Variants in MSI2 observed in about 807,000 individuals in gnomAD.
MSI2 encodes musashi RNA binding protein 2, also known as RNA-binding protein Musashi homolog 2.
In MSI2, 17 loss-of-function variants were observed where a neutral mutation model predicts 45.6. The ratio of observed to expected loss-of-function variants is 0.37; its 90% CI spans 0.26 to 0.56. The LOEUF is 0.56. Among genes scored for constraint, MSI2 ranks in the 20% least tolerant of loss-of-function variants. MSI2 has a pLI of 0.77. For synonymous variants in MSI2, 156 were observed against 158.2 expected, an observed-to-expected ratio of 0.99 and a Z score of 0.11; for missense variants, 293 against 444.2, an observed-to-expected ratio of 0.66 and a Z score of 3.06.
intron 5 of MSI2, among the ~76,000 whole-genome samples, chr17:57,389,658 T>C (rs2083751625): frequency 6.6e-6 from 1 of 152,222 alleles, no homozygotes; most frequent in African/African-American, 2.4e-5. Flanking sequence ...TTAATGAACA[T>C]GGCTTGCCAC....
At chr17:57,424,606 A>G (rs1009913251) in intron 6 of MSI2, among the ~76,000 whole-genome samples, 1 of 152,154 alleles carries the variant, frequency 6.6e-6, no homozygotes, top group Non-Finnish European at 1.5e-5. Flanking sequence ...CCATTAACAC[A>G]TGACTATCTA....
chr17:57,486,460 A>G (rs1482364241), intron 6 of MSI2, among the ~76,000 whole-genome samples: 4 of 152,260 alleles, frequency 2.6e-5, no homozygotes, highest in Admixed American at 1.3e-4. Context: ...AGTTTGGGTC[A>G]TTGGAATCAT....
intron 5 of MSI2, among the ~76,000 whole-genome samples, chr17:57,310,429 G>A (rs1251861304): frequency 6.6e-6 from 1 of 152,020 alleles, no homozygotes; most frequent in Non-Finnish European, 1.5e-5. Flanking sequence ...TGCCTCTCAG[G>A]TTCAAGTGAT....
intron 5 of MSI2, among the ~76,000 whole-genome samples, chr17:57,314,009 C>T (rs1276508717): frequency 2.6e-5 from 4 of 152,038 alleles, no homozygotes; most frequent in Admixed American, 6.5e-5. Context: ...TTTTGCTTCA[C>T]GGTTCTGGAG....
chr17:57,640,151 A>G (rs1250248173), intron 10 of MSI2, among the ~76,000 whole-genome samples: 1 of 152,152 alleles, frequency 6.6e-6, no homozygotes, highest in Non-Finnish European at 1.5e-5. Flanking sequence ...GGCACTGGGA[A>G]CCATCAGTCC....
At chr17:57,699,558 C>A in the MSI2 span, among the ~76,000 whole-genome samples, 1 of 151,968 alleles carries the variant, frequency 6.6e-6, no homozygotes, top group Non-Finnish European at 1.5e-5. Context: ...AATATTATAC[C>A]CTTTCCCTCA....
At chr17:57,467,519 C>T (rs1380396135) in intron 6 of MSI2, among the ~76,000 whole-genome samples, 3 of 151,660 alleles carry the variant, frequency 2.0e-5, no homozygotes, top group Non-Finnish European at 2.9e-5. Flanking sequence ...GCAGATGGAT[C>T]GATGAAAGGA....
At chr17:57,465,183 C>CG (rs2085306853) in intron 6 of MSI2, among the ~76,000 whole-genome samples, 1 of 152,102 alleles carries the variant, frequency 6.6e-6, no homozygotes, top group South Asian at 2.1e-4. Flanking sequence ...AAGCACAGGC[C>CG]GGGTGCGGTG....
At chr17:57,404,898 T>C (rs1229943494) in intron 6 of MSI2, among the ~76,000 whole-genome samples, 1 of 152,134 alleles carries the variant, frequency 6.6e-6, no homozygotes, top group Non-Finnish European at 1.5e-5. Context: ...AGGTTAGAGA[T>C]GTTGTTACTT....
At chr17:57,447,413 C>T (rs944073104) in intron 6 of MSI2, among the ~76,000 whole-genome samples, 1 of 152,202 alleles carries the variant, frequency 6.6e-6, no homozygotes, top group Non-Finnish European at 1.5e-5. Flanking sequence ...TTAAGTTTTA[C>T]ATTTTAAATC....
At chr17:57,536,281 A>C (rs1394193028) in intron 7 of MSI2, among the ~76,000 whole-genome samples, 1 of 152,212 alleles carries the variant, frequency 6.6e-6, no homozygotes, top group Non-Finnish European at 1.5e-5. Context: ...TAAGCTGTAC[A>C]TGTGACTTTG....
intron 6 of MSI2, among the ~76,000 whole-genome samples, chr17:57,502,636 T>TATATATATAGAGAGAGAGAGAGAGAG: frequency 1.0e-5 from 1 of 96,904 alleles, no homozygotes; most frequent in Non-Finnish European, 2.1e-5. Flanking sequence ...TATATATATA[T>TATATATATAGAGAGAGAGAGAGAGAG]AGTCATCATT....
intron 6 of MSI2, among the ~76,000 whole-genome samples, chr17:57,521,613 G>C (rs1054360960): frequency 1.6e-4 from 24 of 152,094 alleles, no homozygotes; most frequent in African/African-American, 5.3e-4. Flanking sequence ...TAATCTTTAG[G>C]CAGCAGAAGG....
intron 7 of MSI2, among the ~76,000 whole-genome samples, chr17:57,573,320 G>T (rs988813856): frequency 1.6e-5 from 2 of 124,536 alleles, no homozygotes; most frequent in Non-Finnish European, 3.3e-5. Context: ...CCCTTAGGAT[G>T]TGTCGTGCTC....
rs116473263 is a variant in MSI2, at chr17:57,395,825, A to G, written c.313-5554A>G. Among the ~76,000 whole-genome samples, 683 of 152,338 alleles carry G rather than the reference A, an allele frequency of 4.5e-3. 4 individuals are homozygous for G. The highest frequency in any genetic ancestry group is 0.016 in the African/African-American group (656 of 41,582). On this transcript the variant is annotated intron_variant, in intron 5 of 13. Coordinates refer to ENST00000284073, the MANE Select transcript of MSI2 (RefSeq NM_138962.4). ...TCAGTGTCACTGGACAGGATGGGGT[A>G]ATAGACAGAGCCCTTGTCTGAGCCT...
chr17:57,418,312 T>C (rs896644304), intron 6 of MSI2, among the ~76,000 whole-genome samples: 3 of 152,366 alleles, frequency 2.0e-5, no homozygotes, highest in Non-Finnish European at 4.4e-5. Flanking sequence ...GGATCAGTAA[T>C]AAACTTTAGG....
intron 5 of MSI2, among the ~76,000 whole-genome samples, chr17:57,299,663 C>T (rs1684818361): frequency 6.6e-6 from 1 of 152,052 alleles, no homozygotes; most frequent in Admixed American, 6.5e-5. Context: ...CAGTTTGTGG[C>T]ACCCCAAAAC....
chr17:57,343,525 A>G lies in MSI2; in HGVS notation c.313-57854A>G, dbSNP rs565151536. The stretch of plus-strand genomic sequence containing the variant: ...ATAATTGTACGCATTGTGACCCTCC[A>G]CTCCTAAATACATCAGTGTTCCTAA... On this transcript the variant is annotated intron_variant, in intron 5 of 13. Coordinates refer to ENST00000284073, the MANE Select transcript of MSI2 (RefSeq NM_138962.4). Among the ~76,000 whole-genome samples the G allele has an allele frequency of 1.4e-4, 21 of 151,846 alleles. No homozygotes were observed. The East Asian group carries it at 4.1e-3, about 29-fold the overall frequency.
chr17:57,672,354 C>A (rs920906739), intron 11 of MSI2, among the ~76,000 whole-genome samples: 20 of 152,256 alleles, frequency 1.3e-4, no homozygotes, highest in Non-Finnish European at 7.3e-5. Context: ...GGCCTCCCCA[C>A]ACACAGGAAT....
Sources: allele counts gnomAD v4.1 joint callset (sites outside exome capture counted in the v4.1 genomes callset), GRCh38; gene constraint gnomAD v4.1.1; transcripts MANE v1.5; gene names NCBI Gene and HGNC (gene_info 2026-07-23, HGNC 2026-07-21).